Variants in AGAP1 observed in about 807,000 individuals in gnomAD.
The protein encoded by AGAP1 is arf-GAP with GTPase, ANK repeat and PH domain-containing protein 1.
In AGAP1, 29 loss-of-function variants were observed where a neutral mutation model predicts 105.3. The ratio of observed to expected loss-of-function variants is 0.28; its 90% CI spans 0.21 to 0.38. The LOEUF (loss-of-function observed/expected upper bound fraction) is 0.38. Among genes scored for constraint, AGAP1 ranks in the 10% least tolerant of loss-of-function variants. AGAP1 has a pLI of 1.00. For missense variants in AGAP1, 998 were observed against 1,165.1 expected, an observed-to-expected ratio of 0.86 and a Z score of 2.09; for synonymous variants, 509 against 485.9, an observed-to-expected ratio of 1.05 and a Z score of -0.63.
At chr2:236,010,913 G>C (rs1297260245) in intron 13 of AGAP1, among the ~76,000 whole-genome samples, 1 of 152,148 alleles carries the variant, frequency 6.6e-6, no homozygotes, top group African/African-American at 2.4e-5. Context: ...CGGGCGTGGT[G>C]GCGGGCACTC....
intron 9 of AGAP1, among the ~76,000 whole-genome samples, chr2:235,838,904 A>G (rs1960480397): frequency 6.6e-6 from 1 of 152,238 alleles, no homozygotes; most frequent in Non-Finnish European, 1.5e-5. Flanking sequence ...TGGACTTACA[A>G]GTGAAAAATC....
intron 16 of AGAP1, among the ~76,000 whole-genome samples, chr2:236,091,337 T>G (rs1023632552): frequency 2.6e-5 from 4 of 152,216 alleles, no homozygotes; most frequent in African/African-American, 9.6e-5. Context: ...TTTTTCATAA[T>G]GGAATTTGGT....
At chr2:235,628,209 T>G (rs1395379079) in intron 1 of AGAP1, among the ~76,000 whole-genome samples, 2 of 152,274 alleles carry the variant, frequency 1.3e-5, no homozygotes, top group African/African-American at 4.8e-5. Context: ...AGGCACTGTC[T>G]GGGCACCTGT....
chr2:235,814,419 C>G (rs558313223), intron 9 of AGAP1, among the ~76,000 whole-genome samples: 2 of 152,314 alleles, frequency 1.3e-5, no homozygotes, highest in African/African-American at 4.8e-5. Context: ...GTTAATGTTG[C>G]CAGAACTTGT....
chr2:235,745,426 G>A (rs918399877), intron 5 of AGAP1, among the ~76,000 whole-genome samples: 11 of 152,260 alleles, frequency 7.2e-5, no homozygotes, highest in African/African-American at 2.2e-4. Context: ...TGGAGTGGCC[G>A]TCACATGGCC....
At position 235,889,906 on chromosome 2, in the gene AGAP1, G is replaced by C. The variant is rs146528940; in HGVS notation, c.1155+6457G>C. Among the ~76,000 whole-genome samples, 33 of 152,030 alleles carry C rather than the reference G, an allele frequency of 2.2e-4. No homozygotes were observed. Among genetic ancestry groups the C allele is most frequent in the African/African-American group, 7.0e-4 (29 of 41,376 alleles). ...CATGGAGCCAACTCAGACTAAGAAA[G>C]CTCCATGAAAGTTTATGCCAGTGAT... On this transcript the variant is annotated intron_variant, in intron 10 of 17. Transcript: ENST00000304032. The surrounding 1 kb of genome is among the most constrained non-coding windows in gnomAD (Gnocchi z 4.6).
chr2:235,501,995 T>A (rs1941581190), intron 1 of AGAP1, among the ~76,000 whole-genome samples: 1 of 152,164 alleles, frequency 6.6e-6, no homozygotes. Context: ...CTGTTATTTT[T>A]ATTCAGGGGT....
intron 1 of AGAP1, among the ~76,000 whole-genome samples, chr2:235,563,351 C>T (rs376268924): frequency 6.6e-6 from 1 of 152,192 alleles, no homozygotes; most frequent in East Asian, 1.9e-4. Flanking sequence ...GTCCTGGCCA[C>T]GGCTTGAGAT....
chr2:235,641,579 G>A (rs1361105184), intron 1 of AGAP1, among the ~76,000 whole-genome samples: 5 of 152,286 alleles, frequency 3.3e-5, no homozygotes, highest in Middle Eastern at 3.4e-3. Context: ...TCCCGCCCAC[G>A]CGGCTGTGCC....
At position 235,865,967 on chromosome 2, in the gene AGAP1, C is replaced by G. The variant is rs139038944; in HGVS notation, c.1051-17378C>G. On this transcript the variant is annotated intron_variant, in intron 9 of 17. Transcript: ENST00000304032. This position sits in a 1 kb window ranked among gnomAD's most constrained non-coding sequence, Gnocchi z 6.2. ...TTATCGATTTACTTCTTTCACTTAA[C>G]GGCATTTTCTGCAGCTTGAATGAAA... 9.1e-4 allele frequency among the ~76,000 whole-genome samples: 139 copies of G among 152,296 alleles called. No individual in the cohort carries two copies. Among genetic ancestry groups the G allele is most frequent in the African/African-American group, 3.2e-3 (131 of 41,568 alleles).
At chr2:235,563,145 A>G (rs1403467434) in intron 1 of AGAP1, among the ~76,000 whole-genome samples, 2 of 152,164 alleles carry the variant, frequency 1.3e-5, no homozygotes, top group African/African-American at 2.4e-5. Flanking sequence ...TGCTGAATGC[A>G]GCATCTCTGT....
intron 16 of AGAP1, among the ~76,000 whole-genome samples, chr2:236,059,414 C>G (rs2058130713): frequency 6.6e-6 from 1 of 152,118 alleles, no homozygotes; most frequent in Non-Finnish European, 1.5e-5. Context: ...TCGGCAAAAT[C>G]ACTTTCAGAA....
chr2:235,518,974 G>A (rs557844735), intron 1 of AGAP1, among the ~76,000 whole-genome samples: 74 of 152,336 alleles, frequency 4.9e-4, no homozygotes, highest in African/African-American at 1.7e-3. Context: ...TTTGGGAACA[G>A]CAGAAGGGTC....
At chr2:235,677,552 CGTT>C (rs1948807986) in intron 1 of AGAP1, among the ~76,000 whole-genome samples, 1 of 152,056 alleles carries the variant, frequency 6.6e-6, no homozygotes, top group Non-Finnish European at 1.5e-5. Context: ...TTTCACGTGA[CGTT>C]GTGTGCCGGG....
At chr2:235,844,529 T>C (rs1324121096) in intron 9 of AGAP1, among the ~76,000 whole-genome samples, 1 of 152,180 alleles carries the variant, frequency 6.6e-6, no homozygotes, top group African/African-American at 2.4e-5. Flanking sequence ...TTCTGCAGAC[T>C]AGAAATAGTC....
In AGAP1 at chr2:235,788,466, G is replaced by A. The variant is rs1324347784; in HGVS notation, c.674-9293G>A. On this transcript the variant is annotated intron_variant, in intron 6 of 17. Coordinates refer to ENST00000304032, the MANE Select transcript of AGAP1 (RefSeq NM_001037131.3). This position sits in a 1 kb window ranked among gnomAD's most constrained non-coding sequence, Gnocchi z 6.0. Reference sequence around the variant, plus strand: ...GGCATGGATGAGAGCAATGCTGAGGGAAGGTGAGGCAGGGTGGGGAGAGGA... The same window carrying A: ...GGCATGGATGAGAGCAATGCTGAGGAAAGGTGAGGCAGGGTGGGGAGAGGA... Among the ~76,000 whole-genome samples, 2 of 152,038 alleles carry A rather than the reference G, an allele frequency of 1.3e-5. No individual in the cohort carries two copies. The highest frequency in any genetic ancestry group is 4.8e-5 in the African/African-American group (2 of 41,404).
chr2:235,606,070 G>T (rs1945925162), intron 1 of AGAP1, among the ~76,000 whole-genome samples: 1 of 152,246 alleles, frequency 6.6e-6, no homozygotes, highest in Non-Finnish European at 1.5e-5. Flanking sequence ...TAGGTCTGCA[G>T]AGAAGAAGAG....
rs1210049133 is a variant in AGAP1, at chr2:236,092,839, G to A, written c.2115-27353G>A. Among the ~76,000 whole-genome samples the A allele has an allele frequency of 2.0e-5, 3 of 152,210 alleles. No individual in the cohort carries two copies. Among genetic ancestry groups the A allele is most frequent in the Admixed American group, 6.5e-5 (1 of 15,284 alleles). ...AATGGCTCATTCCAGATCTGGTTGAGAAGTAGGGAATGGCCCTGGAGCATC... is the reference window on the plus strand; with the variant it reads ...AATGGCTCATTCCAGATCTGGTTGAAAAGTAGGGAATGGCCCTGGAGCATC... On this transcript the variant is annotated intron_variant, in intron 16 of 17. Coordinates refer to ENST00000304032, the MANE Select transcript of AGAP1 (RefSeq NM_001037131.3). This position sits in a 1 kb window ranked among gnomAD's most constrained non-coding sequence, Gnocchi z 4.7.
In AGAP1 at chr2:235,556,104, G is replaced by A. The variant is rs1227497715; in HGVS notation, c.163+61255G>A. Among the ~76,000 whole-genome samples the A allele has an allele frequency of 6.6e-6, 1 of 152,224 alleles. No homozygotes were observed. Among genetic ancestry groups the A allele is most frequent in the Non-Finnish European group, 1.5e-5 (1 of 68,042 alleles). On this transcript the variant is annotated intron_variant, in intron 1 of 17. Coordinates refer to ENST00000304032, the MANE Select transcript of AGAP1 (RefSeq NM_001037131.3). The surrounding 1 kb of genome is among the most constrained non-coding windows in gnomAD (Gnocchi z 5.3). ...GCTTCTGGAAGCCTCCAGAAGGATG[G>A]ACGGGGGCACTGAGACCTGAAGAAG...
Sources: allele counts gnomAD v4.1 joint callset (sites outside exome capture counted in the v4.1 genomes callset), GRCh38; gene constraint gnomAD v4.1.1; non-coding constraint Gnocchi (gnomAD v3.1); transcripts MANE v1.5; gene names NCBI Gene and HGNC (gene_info 2026-07-23, HGNC 2026-07-21).